PKD1L1: variants seen among roughly 807,000 people sequenced by gnomAD.
PKD1L1 encodes polycystin 1 like 1, transient receptor potential channel interacting.
A neutral mutation model predicts 323.4 loss-of-function variants in PKD1L1; 236 were observed. That is an observed-to-expected ratio of 0.73 (90% CI 0.66 to 0.81). PKD1L1 has a LOEUF of 0.81. Among genes scored for constraint, PKD1L1 ranks in the 40% least tolerant of loss-of-function variants. The pLI, the probability that PKD1L1 is intolerant of heterozygous loss-of-function variation, is 0.00. For missense variants in PKD1L1, 3,320 were observed against 3,508.0 expected (o/e 0.95, Z 1.35); for synonymous variants, 1,344 against 1,335.0 (o/e 1.01, Z -0.15).
intron 2 of PKD1L1, among the ~76,000 whole-genome samples, chr7:47,943,164 ATATATATATATATATAT>A (rs1788030238): frequency 1.2e-4 from 3 of 25,680 alleles, no homozygotes; most frequent in African/African-American, 4.0e-4. Context: ...AAAAAAAAAA[ATATATATATATATATAT>A]ATATATATAT....
At chr7:47,952,176 T>A (rs1788214048), upstream of PKD1L1, among the ~76,000 whole-genome samples, 1 of 152,130 alleles carries the variant, frequency 6.6e-6, no homozygotes, top group Non-Finnish European at 1.5e-5. Flanking sequence ...CTTGGGCAAA[T>A]TTTTGTAATT....
chr7:47,877,073 T>C (rs1786421598), intron 22 of PKD1L1, among the ~76,000 whole-genome samples: 1 of 152,080 alleles, frequency 6.6e-6, no homozygotes, highest in East Asian at 1.9e-4. Flanking sequence ...AATGGTCTTC[T>C]CCATGGCCCA....
At chr7:47,864,674 C>T (rs967470544) in intron 26 of PKD1L1, among the ~76,000 whole-genome samples, 7 of 138,452 alleles carry the variant, frequency 5.1e-5, no homozygotes, top group Non-Finnish European at 7.7e-5. Flanking sequence ...CTTCCCTTCC[C>T]TTCCCCTCCC....
At chr7:47,866,076 T>C (rs564115977) in intron 25 of PKD1L1, among the ~76,000 whole-genome samples, 33 of 152,346 alleles carry the variant, frequency 2.2e-4, no homozygotes, top group African/African-American at 7.7e-4. Context: ...GAATACATGG[T>C]AATTTCTTCA....
intron 56 of PKD1L1, 146 bp downstream of exon 56, chr7:47,792,481 C>T (rs542194410): frequency 3.9e-6 from 3 of 775,128 alleles, no homozygotes; most frequent in South Asian, 4.9e-5. Flanking sequence ...TAGTTCTGGC[C>T]AGAGCATATC....
chr7:47,804,019 T>C (rs1784722807), intron 52 of PKD1L1, among the ~76,000 whole-genome samples: 1 of 152,172 alleles, frequency 6.6e-6, no homozygotes, highest in African/African-American at 2.4e-5. Context: ...TACTTTTGGG[T>C]GTATGATCTC....
chr7:47,879,632 CAA>C (rs1254218793), intron 21 of PKD1L1, among the ~76,000 whole-genome samples: 12 of 58,722 alleles, frequency 2.0e-4, no homozygotes, highest in Admixed American at 4.0e-4. Flanking sequence ...GACTTTGTCT[CAA>C]AAAAAAAAAA....
the PKD1L1 span, among the ~76,000 whole-genome samples, chr7:47,958,395 A>T: frequency 9.2e-5 from 14 of 152,368 alleles, no homozygotes; most frequent in South Asian, 2.7e-3. Flanking sequence ...CACATGCAGA[A>T]GAATGAATTA....
rs1386089361 is a variant in PKD1L1, at chr7:47,815,231, A to G, written c.7089+103T>C. ...CGGCCTTACACCTGCATGGTCATTC[A>G]AGAACCTATGCAGTGCTGCAGTTCA... On this transcript the variant is annotated intron_variant, in intron 47 of 56. Coordinates refer to ENST00000289672, the MANE Select transcript of PKD1L1 (RefSeq NM_138295.5). The G allele has an allele frequency of 4.9e-6, 7 of 1,442,936 alleles. No individual in the cohort carries two copies. In the African/African-American group the frequency reaches 5.7e-5, roughly 12 times the overall value. 89.4% of individuals were successfully genotyped at this position (1,442,936 alleles called of 1,614,324 possible).
At chr7:47,914,563 T>C (rs1003043401) in intron 8 of PKD1L1, among the ~76,000 whole-genome samples, 2 of 152,162 alleles carry the variant, frequency 1.3e-5, no homozygotes, top group Non-Finnish European at 2.9e-5. Context: ...AATTGGGATT[T>C]CCAGTGAAAA....
intron 40 of PKD1L1, 40 bp downstream of exon 40, chr7:47,834,299 A>G: frequency 6.3e-7 from 1 of 1,597,216 alleles, no homozygotes; most frequent in Non-Finnish European, 8.6e-7. Context: ...TTTGCATTTC[A>G]TGCTAGAAGA....
intron 36 of PKD1L1, among the ~76,000 whole-genome samples, chr7:47,837,706 CCA>C (rs1473208150): frequency 2.0e-5 from 3 of 152,128 alleles, no homozygotes; most frequent in Non-Finnish European, 4.4e-5. Context: ...CCTCAGTAGC[CCA>C]CAGTGTCTGG....
chr7:47,857,231 C>A, intron 28 of PKD1L1, among the ~76,000 whole-genome samples: 1 of 152,214 alleles, frequency 6.6e-6, no homozygotes, highest in East Asian at 1.9e-4. Context: ...TGATGTTAGA[C>A]CCATATCTTC....
intron 24 of PKD1L1, among the ~76,000 whole-genome samples, chr7:47,872,391 A>G (rs1183082216): frequency 6.6e-6 from 1 of 152,208 alleles, no homozygotes; most frequent in East Asian, 1.9e-4. Context: ...TTCAAAATTT[A>G]CTACTAAACT....
chr7:47,775,205 C>T, intron 56 of PKD1L1, 39 bp from the exon 57 acceptor site: 3 of 1,613,060 alleles, frequency 1.9e-6, no homozygotes, highest in Admixed American at 1.7e-5. Flanking sequence ...AAACAACACC[C>T]CTCTCTCAGT....
chr7:47,828,518 C>A (rs1246983566), intron 44 of PKD1L1, among the ~76,000 whole-genome samples: 1 of 152,100 alleles, frequency 6.6e-6, no homozygotes, highest in Non-Finnish European at 1.5e-5. Flanking sequence ...GGGCCCCAGA[C>A]TCCCCTTTAC....
intron 17 of PKD1L1, among the ~76,000 whole-genome samples, chr7:47,887,031 G>C (rs1480475274): frequency 1.4e-5 from 2 of 140,038 alleles, no homozygotes; most frequent in Non-Finnish European, 3.2e-5. Flanking sequence ...TTACTTTGCT[G>C]AAAGTCTAAC....
chr7:47,780,082 A>AT (rs1786657028), intron 56 of PKD1L1, among the ~76,000 whole-genome samples: 1 of 152,108 alleles, frequency 6.6e-6, no homozygotes, highest in South Asian at 2.1e-4. Flanking sequence ...GTTGTAAGAC[A>AT]TAATACAGAA....
rs1401044751 is a variant in PKD1L1 at position 47,821,128 on chromosome 7, A to G, written c.6913T>C (p.Phe2305Leu). ...LLLLCVIYGR[F>L]SQDEYSLNQA... ...TTGAGGGAGTATTCATCTTGGGAAA[A>G]TCTCCCATATATTACACACAAAAGC... Residue 2305 changes from phenylalanine (F) to leucine (L), a missense_variant, in exon 46 of 57, where the codon TTT (phenylalanine) becomes CTT (leucine). Coordinates refer to ENST00000289672, the MANE Select transcript of PKD1L1 (RefSeq NM_138295.5). The G allele has an allele frequency of 1.1e-5, 17 of 1,610,360 alleles. No individual in the cohort carries two copies. The highest frequency in any genetic ancestry group is 1.4e-5 in the Non-Finnish European group (16 of 1,176,720).
Sources: allele counts gnomAD v4.1 joint callset (sites outside exome capture counted in the v4.1 genomes callset), GRCh38; gene constraint gnomAD v4.1.1; transcripts MANE v1.5; gene names NCBI Gene and HGNC (gene_info 2026-07-23, HGNC 2026-07-21).